The following ROBO2 variants were observed in gnomAD, a reference collection of about 807,000 sequenced individuals.
ROBO2 encodes the protein roundabout homolog 2.
A neutral mutation model predicts 160.8 loss-of-function variants in ROBO2; 53 were observed. The observed-to-expected ratio is 0.33, with a 90% confidence interval of 0.26 to 0.41. The LOEUF is 0.41. Among genes scored for constraint, ROBO2 ranks in the 10% least tolerant of loss-of-function variants. The probability of loss-of-function intolerance (pLI) is 1.00; values close to 1 mark genes in which losing one functional copy is unlikely to be tolerated. For missense variants in ROBO2, 1,577 were observed against 1,722.4 expected (o/e 0.92, Z 1.49); for synonymous variants, 664 against 611.7 (o/e 1.09, Z -1.26).
chr3:76,452,281 CTCA>C (rs2077514265), intron 2 of ROBO2, among the ~76,000 whole-genome samples: 2 of 151,990 alleles, frequency 1.3e-5, no homozygotes, highest in Non-Finnish European at 2.9e-5. Flanking sequence ...CACCAATTAA[CTCA>C]TCATTTAGCA....
intron 2 of ROBO2, among the ~76,000 whole-genome samples, chr3:77,451,983 T>C (rs1248158585): frequency 1.3e-5 from 2 of 152,092 alleles, no homozygotes; most frequent in African/African-American, 4.8e-5. Flanking sequence ...AGTGTTTTCA[T>C]TGTTCAATTC....
chr3:75,920,997 A>G (rs1419392766), intron 1 of ROBO2, among the ~76,000 whole-genome samples: 2 of 151,728 alleles, frequency 1.3e-5, no homozygotes, highest in Non-Finnish European at 2.9e-5. Flanking sequence ...TTTCCAGTCT[A>G]TGTCTTTTAA....
intron 2 of ROBO2, among the ~76,000 whole-genome samples, chr3:77,231,350 G>A (rs2151286701): frequency 8.3e-6 from 1 of 119,978 alleles, no homozygotes; most frequent in South Asian, 3.1e-4. Context: ...GCAGCAGTGA[G>A]TGAGACTCCA....
chr3:76,895,746 G>A (rs1395308240), intron 2 of ROBO2, among the ~76,000 whole-genome samples: 4 of 152,118 alleles, frequency 2.6e-5, no homozygotes, highest in Non-Finnish European at 5.9e-5. Context: ...AAGCTTTCAT[G>A]TTCCTTGTAG....
In ROBO2 at chr3:77,166,905, A is replaced by G. The variant is rs116069409; in HGVS notation, c.388+68565A>G. Among the ~76,000 whole-genome samples, 571 of 152,286 alleles carry G rather than the reference A, an allele frequency of 3.7e-3. 1 individual carries two copies. Among genetic ancestry groups the G allele is most frequent in the Middle Eastern group, 0.01 (3 of 294 alleles). ...TCCAGGCCAATTGTTTCATAGATAG[A>G]TGCCTCATACATATTTATGTCTCAT... On this transcript the variant is annotated intron_variant, in intron 2 of 25. Coordinates refer to ENST00000461745, the Ensembl canonical transcript of ROBO2.
intron 2 of ROBO2, among the ~76,000 whole-genome samples, chr3:76,259,463 A>G (rs1056219636): frequency 8.5e-5 from 13 of 152,160 alleles, no homozygotes; most frequent in Non-Finnish European, 1.5e-4. Context: ...ATTTGGATTT[A>G]TCTGTTTGAG....
chr3:75,964,981 TA>T (rs1267086139), intron 2 of ROBO2: 1 of 151,706 alleles, frequency 6.6e-6, no homozygotes, highest in Non-Finnish European at 1.5e-5. Context: ...TGTTTATTTT[TA>T]AGGCTAAGTG....
chr3:77,484,932 A>C (rs2085165035), intron 4 of ROBO2, among the ~76,000 whole-genome samples: 1 of 152,086 alleles, frequency 6.6e-6, no homozygotes, highest in African/African-American at 2.4e-5. Flanking sequence ...TATGCTTTCT[A>C]TACCTGTCAT....
chr3:76,049,387 A>G (rs2035699), intron 2 of ROBO2, among the ~76,000 whole-genome samples: 1,753 of 32,554 alleles, frequency 0.054, 131 homozygotes, highest in African/African-American at 0.18. Flanking sequence ...ATTTTAGTAT[A>G]TATATATATA....
At chr3:77,151,558 G>A (rs1023717224) in intron 2 of ROBO2, among the ~76,000 whole-genome samples, 6 of 152,096 alleles carry the variant, frequency 3.9e-5, no homozygotes, top group Non-Finnish European at 7.4e-5. Context: ...TATGTGGACA[G>A]ACAGCTTTCT....
intron 2 of ROBO2, among the ~76,000 whole-genome samples, chr3:77,204,553 G>A (rs150559673): frequency 6.6e-6 from 1 of 152,082 alleles, no homozygotes; most frequent in African/African-American, 2.4e-5. Context: ...ATATGTTTAA[G>A]TTTGTATTTT....
intron 2 of ROBO2, among the ~76,000 whole-genome samples, chr3:77,167,284 T>C (rs1291709491): frequency 6.6e-6 from 1 of 152,232 alleles, no homozygotes; most frequent in African/African-American, 2.4e-5. Flanking sequence ...TCTAGTATTC[T>C]GAATAGAGTA....
At chr3:77,640,408 C>A (rs2095334429) in intron 24 of ROBO2, among the ~76,000 whole-genome samples, 2 of 152,118 alleles carry the variant, frequency 1.3e-5, no homozygotes, top group Non-Finnish European at 2.9e-5. Flanking sequence ...GCCACTGCGC[C>A]CGGCCGCATA....
intron 2 of ROBO2, among the ~76,000 whole-genome samples, chr3:76,201,879 C>T (rs1289130937): frequency 7.7e-5 from 7 of 91,092 alleles, no homozygotes; most frequent in South Asian, 3.9e-4. Context: ...TGCAATACAA[C>T]GAGAAATGTC....
chr3:76,138,367 A>G (rs1254156751), intron 2 of ROBO2, among the ~76,000 whole-genome samples: 1 of 152,068 alleles, frequency 6.6e-6, no homozygotes, highest in Middle Eastern at 3.2e-3. Flanking sequence ...ATGTAAATCT[A>G]TATTGTATCG....
In ROBO2 at chr3:77,617,783, T is replaced by C. The variant is rs752750420; in HGVS notation, c.3554+10T>C. The C allele has an allele frequency of 6.2e-7, 1 of 1,610,238 alleles. No homozygotes were observed. Among genetic ancestry groups the C allele is most frequent in the East Asian group, 2.2e-5 (1 of 44,574 alleles). ...TAGCAAAACAAACATGGTAAATATC[T>C]TCATTAAGTCAAGAGACCCATGCTT... On this transcript the variant is annotated intron_variant, in intron 22 of 25. Coordinates refer to ENST00000461745, the Ensembl canonical transcript of ROBO2.
At position 76,208,364 on chromosome 3, in the gene ROBO2, A is replaced by C. The variant is rs551608730; in HGVS notation, c.109+270762A>C. On this transcript the variant is annotated intron_variant, in intron 2 of 26. Transcript: ENST00000487694. ...ATCATCATTTATTTGAAATAAATTC[A>C]GTGAAATATAATACTTTTTCAAATA... Among the ~76,000 whole-genome samples, 725 of 152,296 alleles carry C rather than the reference A, an allele frequency of 4.8e-3. 9 individuals carry two copies. Among genetic ancestry groups the C allele is most frequent in the African/African-American group, 0.016 (682 of 41,570 alleles).
intron 2 of ROBO2, among the ~76,000 whole-genome samples, chr3:76,782,662 T>C (rs1046954640): frequency 6.6e-6 from 1 of 150,764 alleles, no homozygotes; most frequent in African/African-American, 2.4e-5. Flanking sequence ...AGTTTTTGAC[T>C]TAAAATCTAC....
At position 76,185,215 on chromosome 3, in the gene ROBO2, T is replaced by TATATAC; in HGVS notation, c.109+247614_109+247615insTATACA. Among the ~76,000 whole-genome samples, 35 of 90,290 alleles carry TATATAC rather than the reference T, an allele frequency of 3.9e-4. 1 individual carries two copies. Among genetic ancestry groups the TATATAC allele is most frequent in the African/African-American group, 1.2e-3 (31 of 26,428 alleles). 59.2% of individuals were successfully genotyped at this position (90,290 alleles called of 152,430 possible). ...ACACAGATATATATATATATATATA[T>TATATAC]ACACACACAAAGATGTTATATATAC... On this transcript the variant is annotated intron_variant, in intron 2 of 26. Coordinates refer to the ROBO2 transcript ENST00000487694.
Sources: allele counts gnomAD v4.1 joint callset (sites outside exome capture counted in the v4.1 genomes callset), GRCh38; gene constraint gnomAD v4.1.1; transcripts MANE v1.5; gene names NCBI Gene and HGNC (gene_info 2026-07-23, HGNC 2026-07-21).